The following PLCL1 variants were observed in gnomAD, a reference collection of about 807,000 sequenced individuals.
The protein encoded by PLCL1 is phospholipase C like 1 (inactive).
Under a neutral mutation model 84.4 loss-of-function variants are expected in PLCL1, and 41 were observed. That is an observed-to-expected ratio of 0.49 (90% CI 0.38 to 0.63). The LOEUF (loss-of-function observed/expected upper bound fraction) is 0.63. Ranked by LOEUF, PLCL1 falls within the 30% of genes least tolerant of loss-of-function variation. The pLI, the probability that PLCL1 is intolerant of heterozygous loss-of-function variation, is 0.00. For synonymous variants in PLCL1, 490 were observed against 488.3 expected (o/e 1.00, Z -0.05); for missense variants, 1,206 against 1,367.8 (o/e 0.88, Z 1.87).
intron 1 of PLCL1, among the ~76,000 whole-genome samples, chr2:198,035,699 G>T (rs1269148006): frequency 6.6e-6 from 1 of 152,228 alleles, no homozygotes; most frequent in Non-Finnish European, 1.5e-5. Flanking sequence ...TATGTAAAAT[G>T]GAAAGTTAGT....
chr2:198,077,383 T>A (rs1316351897), intron 1 of PLCL1, among the ~76,000 whole-genome samples: 1 of 152,178 alleles, frequency 6.6e-6, no homozygotes, highest in Non-Finnish European at 1.5e-5. Context: ...AGACATTCTC[T>A]TGCCCAAGTT....
In PLCL1 at chr2:197,850,031, G is replaced by GACACACACACACAC. The variant is rs5837563; in HGVS notation, c.240+44727_240+44740dup. On this transcript the variant is annotated intron_variant, in intron 1 of 5. Transcript: ENST00000428675. ...ACACACAGACACACAGACACACACA[G>GACACACACACACAC]ACACACACACACACACACACACACA... 1.5e-3 allele frequency among the ~76,000 whole-genome samples: 203 copies of GACACACACACACAC among 134,978 alleles called. 2 individuals carry two copies. The highest frequency in any genetic ancestry group is 4.6e-3 in the African/African-American group (171 of 36,948). 88.6% of individuals were successfully genotyped at this position (134,978 alleles called of 152,430 possible).
intron 1 of PLCL1, among the ~76,000 whole-genome samples, chr2:197,915,828 C>G (rs1435415688): frequency 6.6e-6 from 1 of 152,108 alleles, no homozygotes; most frequent in South Asian, 2.1e-4. Flanking sequence ...GAGAGAGATA[C>G]AGAGATGAAG....
At chr2:198,021,243 A>T (rs568179403) in intron 1 of PLCL1, among the ~76,000 whole-genome samples, 1 of 152,310 alleles carries the variant, frequency 6.6e-6, no homozygotes, top group Non-Finnish European at 1.5e-5. Flanking sequence ...GGACACAGCT[A>T]AAGCAGTGTT....
chr2:197,876,898 T>C (rs1166111119), intron 1 of PLCL1, among the ~76,000 whole-genome samples: 1 of 152,148 alleles, frequency 6.6e-6, no homozygotes, highest in Non-Finnish European at 1.5e-5. Flanking sequence ...TTATAGGCAT[T>C]TAGATGAGCG....
At chr2:197,819,384 A>G (rs1054442924) in intron 1 of PLCL1, among the ~76,000 whole-genome samples, 15 of 152,078 alleles carry the variant, frequency 9.9e-5, no homozygotes, top group African/African-American at 3.6e-4. Context: ...ACTCAAAAGA[A>G]CCCTTCTGAT....
intron 1 of PLCL1, among the ~76,000 whole-genome samples, chr2:197,989,525 T>C (rs1213653182): frequency 6.6e-6 from 1 of 152,110 alleles, no homozygotes; most frequent in Non-Finnish European, 1.5e-5. Flanking sequence ...TTCAAAGAGA[T>C]GGTTTCCAAA....
chr2:197,990,216 G>GT (rs1690312855), intron 1 of PLCL1, among the ~76,000 whole-genome samples: 1 of 152,098 alleles, frequency 6.6e-6, no homozygotes, highest in African/African-American at 2.4e-5. Context: ...GACATGATGG[G>GT]TAAAAAAAAG....
intron 1 of PLCL1, among the ~76,000 whole-genome samples, chr2:198,056,733 T>C (rs895402389): frequency 3.3e-5 from 5 of 152,200 alleles, no homozygotes; most frequent in African/African-American, 9.7e-5. Flanking sequence ...GCAGTGTGCT[T>C]ACCGCATTAC....
chr2:198,103,805 C>A, intron 4 of PLCL1, 22 bp from the exon 5 acceptor site: 1 of 1,289,666 alleles, frequency 7.8e-7, no homozygotes, highest in Admixed American at 1.9e-5. Context: ...ACTCAGATTT[C>A]TTATGCATTC....
rs538020303 is a variant in PLCL1 at position 197,967,626 on chromosome 2, A to G, written c.241-116132A>G. On this transcript the variant is annotated intron_variant, in intron 1 of 5. Transcript: ENST00000428675. ...TCTTCCAGGACTTGTATGTGGGTTC[A>G]TTATTTACTTGACAGTTAAAAAGTT... Among the ~76,000 whole-genome samples, 5 of 152,302 alleles carry G rather than the reference A, an allele frequency of 3.3e-5. No homozygotes were observed. In the South Asian group the frequency reaches 1.0e-3, roughly 32 times the overall value.
At chr2:197,999,244 A>G (rs1368997329) in intron 1 of PLCL1, among the ~76,000 whole-genome samples, 1 of 152,200 alleles carries the variant, frequency 6.6e-6, no homozygotes, top group African/African-American at 2.4e-5. Flanking sequence ...AAAAGCTGGC[A>G]CCATCTCACT....
intron 1 of PLCL1, among the ~76,000 whole-genome samples, chr2:197,853,652 G>A (rs918612955): frequency 2.0e-5 from 3 of 152,110 alleles, no homozygotes; most frequent in Admixed American, 2.0e-4. Flanking sequence ...CTCTGCTCTT[G>A]CTGTCTCTCT....
chr2:198,046,930 G>A (rs1408408697), intron 1 of PLCL1, among the ~76,000 whole-genome samples: 2 of 152,188 alleles, frequency 1.3e-5, no homozygotes, highest in Admixed American at 6.5e-5. Context: ...TGTGGTCAGA[G>A]TCAGAGTTCT....
At chr2:198,065,090 T>C (rs1052411967) in intron 1 of PLCL1, among the ~76,000 whole-genome samples, 1 of 152,152 alleles carries the variant, frequency 6.6e-6, no homozygotes, top group Admixed American at 6.5e-5. Context: ...CTCAACATCC[T>C]CTAAGATTAG....
intron 1 of PLCL1, among the ~76,000 whole-genome samples, chr2:198,002,409 T>C (rs933820648): frequency 7.9e-5 from 12 of 152,198 alleles, no homozygotes; most frequent in Admixed American, 2.6e-4. Flanking sequence ...TAGTGACAAA[T>C]AATTTTCCAA....
At chr2:197,947,108 T>C (rs1180810151) in intron 1 of PLCL1, among the ~76,000 whole-genome samples, 1 of 152,044 alleles carries the variant, frequency 6.6e-6, no homozygotes, top group Non-Finnish European at 1.5e-5. Context: ...GGGGTGAACA[T>C]ACGTTTTCAT....
At chr2:198,041,885 C>A (rs1691674828) in intron 1 of PLCL1, among the ~76,000 whole-genome samples, 1 of 152,102 alleles carries the variant, frequency 6.6e-6, no homozygotes, top group South Asian at 2.1e-4. Context: ...TAAGAGGAGA[C>A]CAGGTGACAA....
intron 1 of PLCL1, among the ~76,000 whole-genome samples, chr2:198,007,965 C>A (rs1177834001): frequency 6.6e-6 from 1 of 151,980 alleles, no homozygotes; most frequent in Non-Finnish European, 1.5e-5. Context: ...TCTAAGCCTC[C>A]CAGCAGCCAA....
Sources: allele counts gnomAD v4.1 joint callset (sites outside exome capture counted in the v4.1 genomes callset), GRCh38; gene constraint gnomAD v4.1.1; transcripts MANE v1.5; gene names NCBI Gene and HGNC (gene_info 2026-07-23, HGNC 2026-07-21).